Variants in SNAPC5 observed in about 807,000 individuals in gnomAD.
SNAPC5 encodes small nuclear RNA activating complex polypeptide 5.
Under a neutral mutation model 9.1 loss-of-function variants are expected in SNAPC5, and 12 were observed. The ratio of observed to expected loss-of-function variants is 1.32; its 90% confidence interval spans 0.85 to 2.15. SNAPC5 has a LOEUF of 2.15. Among genes scored for constraint, SNAPC5 ranks in the 30% most tolerant of loss-of-function variants. SNAPC5 has a pLI of 0.00. For synonymous variants in SNAPC5, 52 were observed against 47.3 expected, an observed-to-expected ratio of 1.10 and a Z score of -0.41; for missense variants, 132 against 114.4, an observed-to-expected ratio of 1.15 and a Z score of -0.70.
At chr15:66,491,522 T>TA (rs886051370), downstream of SNAPC5, 721 of 183,382 alleles carry the variant, frequency 3.9e-3, 3 homozygotes, top group Non-Finnish European at 6.1e-3. Context: ...TACTATGAAA[T>TA]AAAAAAAAAA....
At chr15:66,496,390 G>A (rs1348941663) in intron 1 of SNAPC5, among the ~76,000 whole-genome samples, 3 of 151,926 alleles carry the variant, frequency 2.0e-5, no homozygotes, top group East Asian at 3.9e-4. Context: ...CCTTGAACCC[G>A]GGAGGCGGAG....
At position 66,494,362 on chromosome 15, in the gene SNAPC5, T is replaced by C; in HGVS notation, c.*74A>G. The C allele has an allele frequency of 2.0e-6, 2 of 1,005,746 alleles. No homozygotes were observed. The highest frequency in any genetic ancestry group is 2.7e-5 in the South Asian group (2 of 74,170). The allele number at this position is 1,005,746 out of a possible 1,614,324, so 62.3% of individuals were successfully genotyped here. A position where few individuals can be genotyped will look rare whatever the true frequency, so the allele number is the denominator to read the frequency against. ...GATCACAGGGCCCAGGGCAAGATGATTTCCTTGAGGAGAAGTAGCCTGAGC... is the reference window on the plus strand; with the variant it reads ...GATCACAGGGCCCAGGGCAAGATGACTTCCTTGAGGAGAAGTAGCCTGAGC... On this transcript the variant is annotated 3_prime_UTR_variant, in exon 3 of 3. Coordinates refer to ENST00000316634, the MANE Select transcript of SNAPC5 (RefSeq NM_001329615.2).
chr15:66,490,240 G>A, downstream of SNAPC5: 1 of 607,948 alleles, frequency 1.6e-6, no homozygotes, highest in Non-Finnish European at 3.0e-6. Flanking sequence ...AGCCTGTGAG[G>A]CATTTAAGGC....
intron 1 of SNAPC5, among the ~76,000 whole-genome samples, chr15:66,497,214 G>T (rs1893466233): frequency 6.6e-6 from 1 of 152,136 alleles, no homozygotes; most frequent in African/African-American, 2.4e-5. Context: ...GTTCCTTCTG[G>T]CTTGGCAAAA....
intron 1 of SNAPC5, among the ~76,000 whole-genome samples, chr15:66,497,246 A>G (rs1893467224): frequency 6.6e-6 from 1 of 152,106 alleles, no homozygotes; most frequent in African/African-American, 2.4e-5. Context: ...CAAGCGCCAA[A>G]ACAAACTAGA....
downstream of SNAPC5, chr15:66,491,378 G>A (rs553748886): frequency 7.8e-5 from 18 of 231,690 alleles, no homozygotes; most frequent in East Asian, 2.5e-4. Context: ...TTAAAATGTC[G>A]GATTTATCTT....
At chr15:66,490,759 A>C, downstream of SNAPC5, 1 of 716,446 alleles carries the variant, frequency 1.4e-6, no homozygotes, top group South Asian at 1.5e-5. Flanking sequence ...CCAAGATTCT[A>C]CTCTTGTCAT....
rs762364690 is a variant in SNAPC5 at position 66,497,758 on chromosome 15, G to T, written c.-27C>A. 9 of 1,583,044 alleles carry T rather than the reference G, an allele frequency of 5.7e-6. No homozygotes were observed. In the Admixed American group the frequency reaches 1.0e-4, roughly 18 times the overall value. ...TTGCCTGGTCACATAGCCAACCTCCGGGCTGCTGTCGGCCCGGCACTCGGT... is the reference window on the plus strand; with the variant it reads ...TTGCCTGGTCACATAGCCAACCTCCTGGCTGCTGTCGGCCCGGCACTCGGT... On this transcript the variant is annotated 5_prime_UTR_variant, in exon 1 of 3. Coordinates refer to ENST00000316634, the MANE Select transcript of SNAPC5 (RefSeq NM_001329615.2).
At chr15:66,491,475 G>C (rs571144374), downstream of SNAPC5, 2 of 213,614 alleles carry the variant, frequency 9.4e-6, no homozygotes, top group African/African-American at 4.5e-5. Context: ...TTTTAACCTA[G>C]ATGTTTAACA....
chr15:66,494,779 A>G, intron 2 of SNAPC5: 1 of 468,760 alleles, frequency 2.1e-6, no homozygotes, highest in Non-Finnish European at 3.8e-6. Flanking sequence ...AAACATTATT[A>G]CACAAAGCTC....
downstream of SNAPC5, chr15:66,490,372 G>C (rs1452099558): frequency 1.3e-6 from 1 of 772,556 alleles, no homozygotes; most frequent in Non-Finnish European, 2.3e-6. Context: ...GTTGCTCAGG[G>C]GCAGGTGCCA....
chr15:66,491,665 A>T, downstream of SNAPC5: 1 of 229,220 alleles, frequency 4.4e-6, no homozygotes, highest in South Asian at 5.8e-5. Flanking sequence ...CAGAAACAGG[A>T]CACCGAGTTC....
downstream of SNAPC5, chr15:66,492,028 T>C (rs1243724951): frequency 6.6e-6 from 3 of 456,576 alleles, no homozygotes; most frequent in Admixed American, 2.3e-5. Flanking sequence ...CTGCACAACA[T>C]AGGACAGTCT....
downstream of SNAPC5, chr15:66,490,281 G>C (rs116703966): frequency 4.8e-4 from 326 of 676,042 alleles, 1 homozygote; most frequent in African/African-American, 5.3e-3. Flanking sequence ...GCACGAGTAG[G>C]CTCCAAGAGG....
downstream of SNAPC5, chr15:66,491,588 G>A (rs553289047): frequency 5.3e-4 from 96 of 182,640 alleles, no homozygotes; most frequent in Admixed American, 5.0e-3. Flanking sequence ...TAGTACACAA[G>A]AAATACTGGT....
chr15:66,490,441 T>C (rs773058816), downstream of SNAPC5: 12 of 1,219,680 alleles, frequency 9.8e-6, no homozygotes, highest in Non-Finnish European at 1.5e-5. Context: ...TTTTCCTTCC[T>C]GGTGGGTTTT....
downstream of SNAPC5, chr15:66,490,839 G>A: frequency 1.6e-6 from 1 of 612,346 alleles, no homozygotes; most frequent in Non-Finnish European, 3.0e-6. Context: ...TGTGCTTGGG[G>A]CTATTTGTGT....
At chr15:66,495,294 G>A (rs1893387051) in intron 2 of SNAPC5, 36 bp downstream of exon 2, 1 of 1,205,162 alleles carries the variant, frequency 8.3e-7, no homozygotes. Context: ...AGCAGACTTT[G>A]CATTCTCTCC....
chr15:66,496,990 CA>C (rs1442689552), intron 1 of SNAPC5: 1 of 154,936 alleles, frequency 6.5e-6, no homozygotes, highest in African/African-American at 2.4e-5. Flanking sequence ...GGCCCTGTCT[CA>C]ATTTTTTGTA....
Sources: allele counts gnomAD v4.1 joint callset (sites outside exome capture counted in the v4.1 genomes callset), GRCh38; gene constraint gnomAD v4.1.1; transcripts MANE v1.5; gene names NCBI Gene and HGNC (gene_info 2026-07-23, HGNC 2026-07-21).